PUDP: variants seen among roughly 807,000 people sequenced by gnomAD.
PUDP encodes the protein pseudouridine-5'-phosphatase.
A neutral mutation model predicts 9.4 loss-of-function variants in PUDP; 8 were observed. The observed-to-expected ratio is 0.85, with a 90% confidence interval of 0.50 to 1.53. PUDP has a LOEUF of 1.53. Ranked by LOEUF, PUDP falls within the 40% of genes most tolerant of loss-of-function variation. The pLI is 0.00. For missense variants in PUDP, 188 were observed against 189.7 expected (o/e 0.99, Z 0.05); for synonymous variants, 99 against 80.7 (o/e 1.23, Z -1.22).
In PUDP at chrX:7,007,697, A is replaced by G. The variant is rs1384940773; in HGVS notation, c.205-29354T>C. The stretch of plus-strand genomic sequence containing the variant: ...AAATCATTCCTCATATTTCCCTTGC[A>G]GGCAAATCATTTGGCACCAAAACAG... On this transcript the variant is annotated intron_variant and NMD_transcript_variant, in intron 1 of 3. Coordinates refer to the PUDP transcript ENST00000655425. 2.7e-5 allele frequency among the ~76,000 whole-genome samples: 3 copies of G among 112,224 alleles called. No individual in the cohort carries two copies. In the South Asian group the frequency reaches 1.1e-3, roughly 42 times the overall value.
chrX:6,735,129 G>A (rs1761040337), intron 3 of PUDP, among the ~76,000 whole-genome samples: 1 of 112,286 alleles, frequency 8.9e-6, no homozygotes, highest in Non-Finnish European at 1.9e-5. Context: ...GGAAGCTGGT[G>A]CATATCATGA....
chrX:7,051,577 C>G (rs2146837423), intron 3 of PUDP, among the ~76,000 whole-genome samples: 1 of 111,349 alleles, frequency 9.0e-6, no homozygotes, highest in South Asian at 3.9e-4. Flanking sequence ...AAAGAAAAAC[C>G]AATACATAAA....
chrX:6,887,750 A>G (rs57901494), intron 3 of PUDP, among the ~76,000 whole-genome samples: 12,567 of 111,559 alleles, frequency 0.11, 768 homozygotes, highest in East Asian at 0.46. Flanking sequence ...TGAAATCCAC[A>G]TCTTCACCTT....
intron 3 of PUDP, among the ~76,000 whole-genome samples, chrX:7,053,923 C>G (rs116452056): frequency 8.9e-6 from 1 of 111,803 alleles, no homozygotes; most frequent in Non-Finnish European, 1.9e-5. Flanking sequence ...ATGGCTTTCA[C>G]GTTTTGCTGG....
intron 3 of PUDP, among the ~76,000 whole-genome samples, chrX:6,892,787 A>G (rs1373408061): frequency 9.0e-6 from 1 of 111,601 alleles, no homozygotes; most frequent in East Asian, 2.8e-4. Context: ...AAAAAGAGGA[A>G]GAGACAGCAG....
intron 1 of PUDP, among the ~76,000 whole-genome samples, chrX:7,118,612 A>C (rs1338329865): frequency 8.9e-6 from 1 of 112,131 alleles, no homozygotes; most frequent in African/African-American, 3.2e-5. Flanking sequence ...ACTAGAATCC[A>C]AACGAACCTA....
In PUDP at chrX:6,713,986, G is replaced by C. The variant is rs1449069510; in HGVS notation, n.128+7431C>G. Among the ~76,000 whole-genome samples, 3 of 111,035 alleles carry C rather than the reference G, an allele frequency of 2.7e-5. No homozygotes were observed. In the East Asian group the frequency reaches 8.5e-4, roughly 31 times the overall value. On this transcript the variant is annotated intron_variant and non_coding_transcript_variant, in intron 1 of 2. Coordinates refer to the PUDP transcript ENST00000438499. ...TACCTTACTGCAGTCTCAACCTCCT[G>C]TGCTCAAGCGATCCTCTCACCTAGC...
chrX:6,914,023 C>T (rs897452908), intron 3 of PUDP, among the ~76,000 whole-genome samples: 21 of 108,922 alleles, frequency 1.9e-4, no homozygotes, highest in Non-Finnish European at 3.4e-4. Flanking sequence ...AAAAATTAGC[C>T]GGGCGTGGTG....
At chrX:6,866,081 G>C (rs1489878666) in intron 3 of PUDP, among the ~76,000 whole-genome samples, 2 of 110,388 alleles carry the variant, frequency 1.8e-5, no homozygotes, top group African/African-American at 6.6e-5. Context: ...CCACCATGCA[G>C]GACTATTTTT....
At chrX:7,102,549 A>G (rs1177981945) in intron 2 of PUDP, among the ~76,000 whole-genome samples, 1 of 110,974 alleles carries the variant, frequency 9.0e-6, no homozygotes, top group Non-Finnish European at 1.9e-5. Context: ...TCTTGTCACT[A>G]CTAGACAGTA....
At chrX:6,893,096 T>C (rs1927539657) in intron 3 of PUDP, among the ~76,000 whole-genome samples, 2 of 112,440 alleles carry the variant, frequency 1.8e-5, no homozygotes, top group African/African-American at 3.2e-5. Context: ...TTCTTAACTG[T>C]GAAGTGGAAA....
chrX:6,937,607 G>A (rs1415449377), intron 3 of PUDP, among the ~76,000 whole-genome samples: 1 of 100,238 alleles, frequency 1.0e-5, no homozygotes, highest in Non-Finnish European at 2.0e-5. Context: ...AAAAGCAATG[G>A]CAACAAAAGA....
chrX:7,073,318 G>A (rs187887732), intron 3 of PUDP, among the ~76,000 whole-genome samples: 13 of 112,133 alleles, frequency 1.2e-4, no homozygotes, highest in African/African-American at 4.2e-4. Context: ...AGTAAGATGG[G>A]AATTAATATT....
At chrX:6,939,226 G>C (rs1262665213) in intron 3 of PUDP, among the ~76,000 whole-genome samples, 1 of 109,013 alleles carries the variant, frequency 9.2e-6, no homozygotes, top group Non-Finnish European at 1.9e-5. Flanking sequence ...AATCCTTAAA[G>C]GAGTCAGAAA....
chrX:6,815,013 C>G (rs1926204593), intron 3 of PUDP, among the ~76,000 whole-genome samples: 3 of 111,238 alleles, frequency 2.7e-5, no homozygotes, highest in Non-Finnish European at 5.6e-5. Flanking sequence ...GATATAGACA[C>G]TTTTTCTTGT....
chrX:7,077,749 C>T (rs1303029540), intron 2 of PUDP, among the ~76,000 whole-genome samples: 1 of 112,664 alleles, frequency 8.9e-6, no homozygotes, highest in African/African-American at 3.2e-5. Flanking sequence ...CCTTATGAAA[C>T]GTGGAGAAGG....
intron 3 of PUDP, among the ~76,000 whole-genome samples, chrX:6,932,919 G>T (rs1179918821): frequency 9.1e-6 from 1 of 110,448 alleles, no homozygotes; most frequent in Non-Finnish European, 1.9e-5. Context: ...GCTGGGGGAG[G>T]GGCGCCCGCC....
At chrX:6,872,824 A>C (rs983134298) in intron 3 of PUDP, among the ~76,000 whole-genome samples, 1 of 111,136 alleles carries the variant, frequency 9.0e-6, no homozygotes, top group African/African-American at 3.3e-5. Flanking sequence ...AACCATACAT[A>C]AAGGCTTTAA....
chrX:6,787,102 C>T (rs1234541389), intron 3 of PUDP, among the ~76,000 whole-genome samples: 2 of 109,098 alleles, frequency 1.8e-5, no homozygotes, highest in Non-Finnish European at 3.8e-5. Flanking sequence ...GGTTAAATTT[C>T]CCATGGTTCA....
Sources: gnomAD v4.1 joint callset for allele counts (sites outside exome capture counted in the v4.1 genomes callset) on GRCh38, gnomAD v4.1.1 for gene constraint, MANE v1.5 for transcripts, NCBI Gene and HGNC (gene_info 2026-07-23, HGNC 2026-07-21) for gene names.